Variants in C1orf21 observed in about 807,000 individuals in gnomAD.
C1orf21 encodes chromosome 1 open reading frame 21.
A neutral mutation model predicts 18.7 loss-of-function variants in C1orf21; 3 were observed. The observed-to-expected ratio is 0.16, with a 90% CI of 0.07 to 0.42. The LOEUF (loss-of-function observed/expected upper bound fraction) is 0.42, where lower values mean the gene tolerates loss of function less well. Among genes scored for constraint, C1orf21 ranks in the 10% least tolerant of loss-of-function variants. The pLI, the probability that C1orf21 is intolerant of heterozygous loss-of-function variation, is 0.99. For synonymous variants in C1orf21, 41 were observed against 46.4 expected (o/e 0.88, Z 0.47); for missense variants, 104 against 143.6 (o/e 0.72, Z 1.41).
At chr1:184,480,279 A>G (rs1290753563) in intron 2 of C1orf21, among the ~76,000 whole-genome samples, 1 of 152,248 alleles carries the variant, frequency 6.6e-6, no homozygotes, top group Non-Finnish European at 1.5e-5. Context: ...AGAATAATAA[A>G]TATTCTAATT....
At position 184,493,796 on chromosome 1, in the gene C1orf21, T is replaced by C. The variant is rs116321520; in HGVS notation, c.95-13792T>C. 2.7e-3 allele frequency among the ~76,000 whole-genome samples: 408 copies of C among 152,352 alleles called. 1 individual carries two copies. Among genetic ancestry groups the C allele is most frequent in the African/African-American group, 9.4e-3 (390 of 41,590 alleles). On this transcript the variant is annotated intron_variant, in intron 2 of 5. Transcript: ENST00000235307. ...TGAAAGTGTTTATAAGATCTTGAGT[T>C]TGGAGTGCAGCTTTCCTCCTTTGTT...
intron 3 of C1orf21, among the ~76,000 whole-genome samples, chr1:184,518,346 G>A (rs1359704276): frequency 6.6e-6 from 1 of 152,118 alleles, no homozygotes; most frequent in East Asian, 1.9e-4. Context: ...AAATTATAAT[G>A]ATTATTGTTA....
chr1:184,488,209 C>T (rs911192788), intron 2 of C1orf21, among the ~76,000 whole-genome samples: 3 of 152,052 alleles, frequency 2.0e-5, no homozygotes, highest in Admixed American at 1.3e-4. Flanking sequence ...AAGATGTATA[C>T]GTGAATATTT....
chr1:184,422,838 A>G (rs1207791975), intron 1 of C1orf21, among the ~76,000 whole-genome samples: 3 of 152,228 alleles, frequency 2.0e-5, no homozygotes, highest in African/African-American at 7.2e-5. Flanking sequence ...CACTCTACGT[A>G]CAGAACTTGT....
intron 3 of C1orf21, among the ~76,000 whole-genome samples, chr1:184,554,007 G>A (rs1658846163): frequency 6.6e-6 from 1 of 152,196 alleles, no homozygotes; most frequent in Admixed American, 6.5e-5. Flanking sequence ...CTGCATTAAT[G>A]GGATCCTTCT....
rs539522427 is a variant in C1orf21 at position 184,513,553 on chromosome 1, G to T, written c.189+5871G>T. 1.1e-4 allele frequency among the ~76,000 whole-genome samples: 16 copies of T among 152,350 alleles called. No individual in the cohort carries two copies. The South Asian group carries it at 3.3e-3, about 32-fold the overall frequency. On this transcript the variant is annotated intron_variant, in intron 3 of 5. Transcript: ENST00000235307. ...TAACCAGCTCTGCAAATCTCTCTCTGAAAGATACTGGCTGCAGCCAAAGCA... is the reference window on the plus strand; with the variant it reads ...TAACCAGCTCTGCAAATCTCTCTCTTAAAGATACTGGCTGCAGCCAAAGCA...
intron 1 of C1orf21, among the ~76,000 whole-genome samples, chr1:184,427,431 C>CT (rs1449093846): frequency 2.0e-5 from 3 of 151,522 alleles, no homozygotes; most frequent in Non-Finnish European, 2.9e-5. Context: ...TCCTGGATTG[C>CT]TTTTTTTTTC....
At position 184,457,247 on chromosome 1, in the gene C1orf21, A is replaced by C. The variant is rs536470147; in HGVS notation, c.-124-20139A>C. On this transcript the variant is annotated intron_variant, in intron 1 of 5. Transcript: ENST00000235307. ...TTGCATCCGTTATCTTGAAAAGTAA[A>C]TTGGTATATTCAACAAATACTTACT... 9.8e-5 allele frequency among the ~76,000 whole-genome samples: 15 copies of C among 152,328 alleles called. 1 individual carries two copies. In the South Asian group the frequency reaches 3.1e-3, roughly 32 times the overall value.
intron 4 of C1orf21, among the ~76,000 whole-genome samples, chr1:184,593,455 G>C (rs1351867420): frequency 6.6e-6 from 1 of 152,094 alleles, no homozygotes; most frequent in Non-Finnish European, 1.5e-5. Context: ...ATAAGATGAG[G>C]CTTCTTCTTC....
Position 184,512,866 on chromosome 1 carries a change from G to C in C1orf21, c.189+5184G>C, listed in dbSNP as rs1467838606. Among the ~76,000 whole-genome samples, 4 of 152,160 alleles carry C rather than the reference G, an allele frequency of 2.6e-5. 1 individual carries two copies. Among genetic ancestry groups the C allele is most frequent in the Non-Finnish European group, 5.9e-5 (4 of 68,042 alleles). Reference sequence around the variant, plus strand: ...CACGGCAGGAGGTGAGCGGCAGGCGGGTGAGAGACCGAAGCTTCATCTGTA... The same window carrying C: ...CACGGCAGGAGGTGAGCGGCAGGCGCGTGAGAGACCGAAGCTTCATCTGTA... On this transcript the variant is annotated intron_variant, in intron 3 of 5. Coordinates refer to ENST00000235307, the MANE Select transcript of C1orf21 (RefSeq NM_030806.4).
chr1:184,559,504 C>CCT (rs1658924578), intron 3 of C1orf21, among the ~76,000 whole-genome samples: 1 of 37,978 alleles, frequency 2.6e-5, no homozygotes, highest in African/African-American at 1.1e-4. Context: ...CCTTCCTTCC[C>CCT]CCCTTCCTTC....
At chr1:184,431,177 A>G (rs1433347653) in intron 1 of C1orf21, among the ~76,000 whole-genome samples, 3 of 152,312 alleles carry the variant, frequency 2.0e-5, no homozygotes, top group Admixed American at 2.0e-4. Context: ...CCTAAGCAAA[A>G]AGAACAAAGC....
intron 3 of C1orf21, among the ~76,000 whole-genome samples, chr1:184,542,848 T>A (rs1243943293): frequency 2.6e-5 from 4 of 152,210 alleles, no homozygotes; most frequent in Non-Finnish European, 4.4e-5. Context: ...CTCACTCTCC[T>A]GGCTTTTTGG....
At chr1:184,507,006 TA>T (rs2101963676) in intron 2 of C1orf21, among the ~76,000 whole-genome samples, 1 of 150,460 alleles carries the variant, frequency 6.6e-6, no homozygotes, top group African/African-American at 2.4e-5. Flanking sequence ...ATATATGAAA[TA>T]AATATATATA....
At chr1:184,565,026 G>A (rs752100936) in intron 3 of C1orf21, among the ~76,000 whole-genome samples, 4 of 152,232 alleles carry the variant, frequency 2.6e-5, no homozygotes, top group Non-Finnish European at 5.9e-5. Context: ...CTCTCTAGAC[G>A]TTAGTTACCA....
chr1:184,585,709 G>A (rs1436758729), intron 3 of C1orf21, among the ~76,000 whole-genome samples: 1 of 152,168 alleles, frequency 6.6e-6, no homozygotes, highest in Non-Finnish European at 1.5e-5. Context: ...TTATAATTGG[G>A]AACATGCGAT....
chr1:184,505,380 C>T (rs1658045155), intron 2 of C1orf21, among the ~76,000 whole-genome samples: 1 of 114,292 alleles, frequency 8.7e-6, no homozygotes, highest in African/African-American at 3.3e-5. Flanking sequence ...ATATATTCAC[C>T]TATATATATT....
chr1:184,391,664 C>T (rs2101952398), intron 1 of C1orf21, among the ~76,000 whole-genome samples: 1 of 152,106 alleles, frequency 6.6e-6, no homozygotes, highest in East Asian at 1.9e-4. Flanking sequence ...ACACATTTGA[C>T]AGGAAACATA....
chr1:184,394,160 A>G (rs551274414), intron 1 of C1orf21, among the ~76,000 whole-genome samples: 1 of 152,362 alleles, frequency 6.6e-6, no homozygotes, highest in South Asian at 2.1e-4. Context: ...AGTAGATCCA[A>G]CATTTGTTAT....
Sources: gnomAD v4.1 joint callset for allele counts (sites outside exome capture counted in the v4.1 genomes callset) on GRCh38, gnomAD v4.1.1 for gene constraint, MANE v1.5 for transcripts, NCBI Gene and HGNC (gene_info 2026-07-23, HGNC 2026-07-21) for gene names.